PPP2R5E: variants seen among roughly 807,000 people sequenced by gnomAD.
PPP2R5E encodes the protein protein phosphatase 2 regulatory subunit B'epsilon.
PPP2R5E carries 4 observed loss-of-function variants against 65.3 expected under a neutral mutation model. That is an observed-to-expected ratio of 0.06 (90% confidence interval 0.03 to 0.14). PPP2R5E has a LOEUF of 0.14. PPP2R5E is among the 10% of genes least tolerant of loss of function. PPP2R5E has a pLI of 1.00. For synonymous variants in PPP2R5E, 183 were observed against 187.4 expected (o/e 0.98, Z 0.19); for missense variants, 274 against 556.1 (o/e 0.49, Z 5.10).
intron 3 of PPP2R5E, among the ~76,000 whole-genome samples, chr14:63,425,509 G>A (rs1887284283): frequency 1.3e-5 from 2 of 152,138 alleles, no homozygotes; most frequent in South Asian, 4.2e-4. Context: ...CATGAAAGGG[G>A]GGAAAAGGGG....
chr14:63,538,190 G>A (rs935173865), intron 2 of PPP2R5E, among the ~76,000 whole-genome samples: 37 of 152,024 alleles, frequency 2.4e-4, no homozygotes, highest in African/African-American at 7.5e-4. Flanking sequence ...AGTTGATCCC[G>A]GCTACTCGGG....
intron 2 of PPP2R5E, among the ~76,000 whole-genome samples, chr14:63,456,578 G>A (rs908132056): frequency 2.0e-5 from 3 of 152,190 alleles, no homozygotes; most frequent in East Asian, 1.9e-4. Flanking sequence ...GCCTTCTGCA[G>A]TAGGTACTAT....
chr14:63,379,031 C>CTTT (rs72440800), intron 13 of PPP2R5E, among the ~76,000 whole-genome samples: 3 of 143,158 alleles, frequency 2.1e-5, no homozygotes, highest in Admixed American at 7.0e-5. Context: ...AACCCATTTT[C>CTTT]TTTTTTTTTT....
intron 3 of PPP2R5E, among the ~76,000 whole-genome samples, chr14:63,450,469 G>A (rs1197287784): frequency 1.3e-5 from 2 of 152,018 alleles, no homozygotes; most frequent in Non-Finnish European, 2.9e-5. Flanking sequence ...GGGAGAAAAC[G>A]GTCTCCCTTA....
intron 2 of PPP2R5E, among the ~76,000 whole-genome samples, chr14:63,466,271 T>TAAAAAAAAA (rs751994290): frequency 9.9e-6 from 1 of 101,440 alleles, no homozygotes; most frequent in Non-Finnish European, 1.9e-5. Flanking sequence ...GTTTTAAAAA[T>TAAAAAAAAA]ACAAAAAAAA....
intron 3 of PPP2R5E, among the ~76,000 whole-genome samples, chr14:63,424,659 G>A (rs1887231558): frequency 1.3e-5 from 2 of 151,818 alleles, no homozygotes; most frequent in South Asian, 4.2e-4. Context: ...GCTGAGGCAG[G>A]AGAATGGCGT....
intron 2 of PPP2R5E, among the ~76,000 whole-genome samples, chr14:63,524,472 G>T (rs1054950033): frequency 3.3e-5 from 5 of 152,206 alleles, no homozygotes; most frequent in Non-Finnish European, 7.3e-5. Context: ...AAGGGAGACT[G>T]AAGTTCCAAA....
rs56314616 is a variant in PPP2R5E at position 63,430,401 on chromosome 14, G to GCATACATA, written c.355-8315_355-8308dup. 2.6e-3 allele frequency among the ~76,000 whole-genome samples: 368 copies of GCATACATA among 143,756 alleles called. 1 individual carries two copies. The highest frequency in any genetic ancestry group is 9.9e-3 in the African/African-American group (355 of 35,958). The allele number at this position is 143,756 out of a possible 152,430, so 94.3% of individuals were successfully genotyped here. On this transcript the variant is annotated intron_variant, in intron 3 of 13. Transcript: ENST00000337537. ...TGCATACATACATACATACATACATGCATACATACATACATACATGCATAC... is the reference window on the plus strand; with the variant it reads ...TGCATACATACATACATACATACATGCATACATACATACATACATACATACATGCATAC...
At chr14:63,494,574 A>T (rs541961358) in intron 2 of PPP2R5E, among the ~76,000 whole-genome samples, 3 of 152,108 alleles carry the variant, frequency 2.0e-5, no homozygotes, top group African/African-American at 7.2e-5. Context: ...AACCAAAAAA[A>T]AATGACAAAC....
At chr14:63,484,523 C>G (rs1298591490) in intron 2 of PPP2R5E, among the ~76,000 whole-genome samples, 4 of 151,996 alleles carry the variant, frequency 2.6e-5, no homozygotes, top group African/African-American at 9.7e-5. Context: ...CAAACACCCA[C>G]AAATATTCAA....
intron 2 of PPP2R5E, among the ~76,000 whole-genome samples, chr14:63,491,086 T>A (rs2139633336): frequency 6.6e-6 from 1 of 152,190 alleles, no homozygotes; most frequent in South Asian, 2.1e-4. Flanking sequence ...GCAACGTGAA[T>A]ACAGCTGGAG....
Position 63,542,887 on chromosome 14 carries a change from G to A in PPP2R5E, c.-116C>T, listed in dbSNP as rs1013150969. 116 of 153,938 alleles carry A rather than the reference G, an allele frequency of 7.5e-4. No homozygotes were observed. Among genetic ancestry groups the A allele is most frequent in the Non-Finnish European group, 1.4e-3 (98 of 69,008 alleles). 9.5% of individuals were successfully genotyped at this position (153,938 alleles called of 1,614,324 possible). On this transcript the variant is annotated 5_prime_UTR_variant, in exon 1 of 14. Coordinates refer to ENST00000337537, the MANE Select transcript of PPP2R5E (RefSeq NM_006246.5). Reference sequence around the variant, plus strand: ...GCGGCGGGACCGGGACGTGCAGGGGGAGGTCCGGGCAGCTGCGGGGAGCCT... The same window carrying A: ...GCGGCGGGACCGGGACGTGCAGGGGAAGGTCCGGGCAGCTGCGGGGAGCCT...
At chr14:63,404,093 CTGGTTTGGAGAAAGA>C (rs1885927563) in intron 5 of PPP2R5E, among the ~76,000 whole-genome samples, 1 of 152,080 alleles carries the variant, frequency 6.6e-6, no homozygotes, top group Non-Finnish European at 1.5e-5. Flanking sequence ...AAATAGGACT[CTGGTTTGGAGAAAGA>C]TGAGGCAAGA....
chr14:63,480,349 G>A (rs368544022), intron 2 of PPP2R5E, among the ~76,000 whole-genome samples: 1 of 152,062 alleles, frequency 6.6e-6, no homozygotes, highest in Non-Finnish European at 1.5e-5. Context: ...CCAGCTACTC[G>A]GGAGGCTGAG....
intron 2 of PPP2R5E, among the ~76,000 whole-genome samples, chr14:63,512,296 A>G (rs1892497039): frequency 6.6e-6 from 1 of 152,294 alleles, no homozygotes; most frequent in African/African-American, 2.4e-5. Flanking sequence ...ACCAAGCTGC[A>G]CTTCTCTTCC....
At chr14:63,387,906 G>C (rs1160855888) in intron 11 of PPP2R5E, among the ~76,000 whole-genome samples, 1 of 152,224 alleles carries the variant, frequency 6.6e-6, no homozygotes, top group East Asian at 1.9e-4. Flanking sequence ...CATACAGCAA[G>C]AAGAAGGCCA....
At chr14:63,429,221 T>C (rs1202374909) in intron 3 of PPP2R5E, among the ~76,000 whole-genome samples, 2 of 152,222 alleles carry the variant, frequency 1.3e-5, no homozygotes, top group African/African-American at 4.8e-5. Flanking sequence ...ATCATCTTTC[T>C]TGAATAAAAG....
intron 2 of PPP2R5E, among the ~76,000 whole-genome samples, chr14:63,519,397 CTGGAGTG>C (rs1892794076): frequency 1.3e-5 from 2 of 151,154 alleles, no homozygotes; most frequent in South Asian, 4.3e-4. Flanking sequence ...GTCACCCAGG[CTGGAGTG>C]CAGTGGTACG....
Position 63,530,200 on chromosome 14 carries a change from C to T in PPP2R5E, c.157+9329G>A, listed in dbSNP as rs572369368. Among the ~76,000 whole-genome samples the T allele has an allele frequency of 1.1e-4, 16 of 150,592 alleles. No individual in the cohort carries two copies. In the South Asian group the frequency reaches 2.5e-3, roughly 24 times the overall value. ...ATACACTGTCCCAACCAGAAATCCA[C>T]GAACCCTAAGTTAAGAAATTTTTCC... On this transcript the variant is annotated intron_variant, in intron 2 of 13. Transcript: ENST00000337537.
Sources: gnomAD v4.1 joint callset for allele counts (sites outside exome capture counted in the v4.1 genomes callset) on GRCh38, gnomAD v4.1.1 for gene constraint, MANE v1.5 for transcripts, NCBI Gene and HGNC (gene_info 2026-07-23, HGNC 2026-07-21) for gene names.